Variants in NOL6 observed in about 807,000 individuals in gnomAD.
The protein encoded by NOL6 is nucleolar protein 6, also known as nucleolar RNA-associated protein.
Under a neutral mutation model 131.7 loss-of-function variants are expected in NOL6, and 33 were observed. The ratio of observed to expected loss-of-function variants is 0.25; its 90% CI spans 0.19 to 0.33. The LOEUF is 0.33. Ranked by LOEUF, NOL6 falls within the 10% of genes least tolerant of loss-of-function variation. NOL6 has a pLI of 1.00. For missense variants in NOL6, 1,297 were observed against 1,494.5 expected, an observed-to-expected ratio of 0.87 and a Z score of 2.18; for synonymous variants, 580 against 605.7, an observed-to-expected ratio of 0.96 and a Z score of 0.62.
rs556065783 is a variant in NOL6, at chr9:33,469,542, T to C, written c.684A>G (p.Thr228=). The change falls in exon 5 of 26, where the codon ACA becomes ACG. Residue 228 remains threonine (T), a synonymous_variant. Coordinates refer to ENST00000297990, the MANE Select transcript of NOL6 (RefSeq NM_022917.5). ...PLFGSVCFSY[T]NGCHLKPSLL... The stretch of plus-strand genomic sequence containing the variant: ...GTGAGGGTTTCAGGTGGCAGCCATT[T>C]GTGTAGGAGAAGCAAACACTGCCAA... The C allele has an allele frequency of 6.2e-7, 1 of 1,609,680 alleles. No individual in the cohort carries two copies. Among genetic ancestry groups the C allele is most frequent in the East Asian group, 2.2e-5 (1 of 44,840 alleles).
In NOL6 at chr9:33,463,911, G is replaced by T. The variant is rs1184311316; in HGVS notation, c.2914C>A (p.Gln972Lys). 1 of 1,614,194 alleles carries T rather than the reference G, an allele frequency of 6.2e-7. No homozygotes were observed. Among genetic ancestry groups the T allele is most frequent in the Admixed American group, 1.7e-5 (1 of 60,024 alleles). ...QDGPSAQILQ[Q>K]LVVLAAEALP... ...GCTTCAGCTGCCAGGACCACAAGCT[G>T]CTGCAGGATCTGCGGGGTACAGACA... Residue 972 changes from glutamine (Q) to lysine (K), a missense_variant, in exon 23 of 26, where the codon CAG becomes AAG. Transcript: ENST00000297990.
chr9:33,471,928 C>G, intron 3 of NOL6, 76 bp downstream of exon 3: 1 of 1,039,804 alleles, frequency 9.6e-7, no homozygotes, highest in East Asian at 2.4e-5. Context: ...AACAGAGTAA[C>G]AGCAAGGCCC....
At chr9:33,469,808 T>C in intron 4 of NOL6, 141 bp from the exon 5 acceptor site, 1 of 1,112,844 alleles carries the variant, frequency 9.0e-7, no homozygotes. Flanking sequence ...CTAGGCCCAG[T>C]TCTCATATCT....
In NOL6 at chr9:33,462,528, G is replaced by A; in HGVS notation, c.*136C>T. 2 of 1,003,196 alleles carry A rather than the reference G, an allele frequency of 2.0e-6. No individual in the cohort carries two copies. The highest frequency in any genetic ancestry group is 2.5e-5 in the East Asian group (1 of 40,204). The allele number at this position is 1,003,196 out of a possible 1,614,324, so 62.1% of individuals were successfully genotyped here. On this transcript the variant is annotated 3_prime_UTR_variant, in exon 26 of 26. Coordinates refer to ENST00000297990, the MANE Select transcript of NOL6 (RefSeq NM_022917.5). ...AAAGTTGGGGCTGGGTTTTGTTGGA[G>A]ATGATTCAGCATGTTCAGCCAGCAG... is the stretch of plus-strand genomic sequence containing the variant.
At chr9:33,472,604 C>A (rs1300879428) in intron 1 of NOL6, 192 bp from the exon 2 acceptor site, 2 of 606,016 alleles carry the variant, frequency 3.3e-6, no homozygotes, top group African/African-American at 3.7e-5. Flanking sequence ...CCGAAAATTC[C>A]TTGAGTTAAG....
intron 21 of NOL6, 129 bp from the exon 22 acceptor site, chr9:33,464,290 A>G: frequency 1.8e-6 from 2 of 1,136,092 alleles, no homozygotes; most frequent in South Asian, 3.3e-5. Context: ...CCCCCCACCA[A>G]GTGGCAAAGG....
In NOL6 at chr9:33,469,057, G is replaced by A. The variant is rs757052407; in HGVS notation, c.927C>T (p.Ser309=). 1 of 1,614,184 alleles carries A rather than the reference G, an allele frequency of 6.2e-7. No individual in the cohort carries two copies. Residue 309 remains serine, a synonymous_variant, in exon 7 of 26, where the codon TCC becomes TCT. Transcript: ENST00000297990. ...TWVLQDTVLE[S]HLQLLSTILS... ...GAATGGTTGACAGCAGCTGCAAATG[G>A]GACTCGAGAACTGTATCTTGCAGGA... is the stretch of plus-strand genomic sequence containing the variant.
chr9:33,471,444 G>C (rs1827409265), intron 3 of NOL6, among the ~76,000 whole-genome samples: 2 of 152,144 alleles, frequency 1.3e-5, no homozygotes, highest in Non-Finnish European at 1.5e-5. Context: ...ATCTCCTTCT[G>C]TATTCCTCAT....
chr9:33,469,775 T>C (rs1476094680), intron 4 of NOL6, 108 bp from the exon 5 acceptor site: 1 of 1,374,710 alleles, frequency 7.3e-7, no homozygotes, highest in African/African-American at 1.5e-5. Context: ...CTGACAGAAG[T>C]GCCTGAGCCA....
chr9:33,463,463 GGT>G, intron 23 of NOL6, 22 bp from the exon 24 acceptor site: 1 of 1,585,090 alleles, frequency 6.3e-7, no homozygotes, highest in Non-Finnish European at 8.6e-7. Context: ...GAGAAGGAGG[GGT>G]CAGCAGGACC....
In NOL6 at chr9:33,468,950, CA is replaced by C. The variant is rs1827329935; in HGVS notation, c.1026+7del. On this transcript the variant is annotated splice_region_variant and intron_variant, in intron 7 of 25. Transcript: ENST00000297990. ...TCAGGTAGGGAGGCTGCGCCACCCC[CA>C]ACTCACCTTGTCCAGCTCCCGCTGC... is the stretch of plus-strand genomic sequence containing the variant. The C allele has an allele frequency of 4.3e-6, 7 of 1,613,992 alleles. No individual in the cohort carries two copies. The South Asian group carries it at 7.7e-5, about 18-fold the overall frequency.
In NOL6 at chr9:33,462,587, G is replaced by A. The variant is rs1827127219; in HGVS notation, c.*77C>T. On this transcript the variant is annotated 3_prime_UTR_variant, in exon 26 of 26. Coordinates refer to ENST00000297990, the MANE Select transcript of NOL6 (RefSeq NM_022917.5). ...TGGAGGATTCATGTCCAAGGAGGGT[G>A]GAGGTCATCCTACTGACATCTTGCT... 2 of 1,521,880 alleles carry A rather than the reference G, an allele frequency of 1.3e-6. No individual in the cohort carries two copies. Among genetic ancestry groups the A allele is most frequent in the Non-Finnish European group, 1.8e-6 (2 of 1,108,020 alleles). The allele number at this position is 1,521,880 out of a possible 1,614,324, so 94.3% of individuals were successfully genotyped here. A position where few individuals can be genotyped will look rare whatever the true frequency, so the allele number is the denominator to read the frequency against.
Position 33,465,367 on chromosome 9 carries a change from G to A in NOL6, c.2529-8C>T, listed in dbSNP as rs537719873. Reference sequence around the variant, plus strand: ...GGGTGCTGCTGCTGCAGTCTGCAGAGAGAAGGGGAGTGTCAGCGAGACTCA... The same window carrying A: ...GGGTGCTGCTGCTGCAGTCTGCAGAAAGAAGGGGAGTGTCAGCGAGACTCA... On this transcript the variant is annotated splice_polypyrimidine_tract_variant and splice_region_variant and intron_variant, in intron 19 of 25. Coordinates refer to ENST00000297990, the MANE Select transcript of NOL6 (RefSeq NM_022917.5). 3.7e-5 allele frequency: 58 copies of A among 1,580,514 alleles called. 1 individual carries two copies. In the South Asian group the frequency reaches 5.8e-4, roughly 16 times the overall value.
Position 33,467,269 on chromosome 9 carries a change from A to C in NOL6, c.1726-7T>G, listed in dbSNP as rs760335777. On this transcript the variant is annotated splice_region_variant and splice_polypyrimidine_tract_variant and intron_variant, in intron 13 of 25. Transcript: ENST00000297990. The surrounding 1 kb of genome is among the most constrained non-coding windows in gnomAD (Gnocchi z 4.4). ...ACTGGCGGAATTTAGCAGCCTGAGG[A>C]GGCAAGGGTGGTAGTAGAGCTGGGG... 4.3e-6 allele frequency: 7 copies of C among 1,613,766 alleles called. No homozygotes were observed. The highest frequency in any genetic ancestry group is 5.1e-6 in the Non-Finnish European group (6 of 1,179,844).
intron 25 of NOL6, 90 bp from the exon 26 acceptor site, chr9:33,462,903 T>C (rs1392029425): frequency 2.5e-6 from 4 of 1,572,986 alleles, no homozygotes; most frequent in Admixed American, 3.6e-5. Context: ...GTGGTGGGGA[T>C]AGAAACACAA....
At chr9:33,471,879 C>G in intron 3 of NOL6, 125 bp downstream of exon 3, 1 of 741,656 alleles carries the variant, frequency 1.3e-6, no homozygotes, top group Admixed American at 1.9e-5. Context: ...AGCTAAGCTT[C>G]CTTGCTGTGA....
chr9:33,472,374 C>A lies in NOL6; in HGVS notation c.93G>T (p.Gly31=). Residue 31 remains glycine, a synonymous_variant, in exon 2 of 26, where the codon GGG becomes GGT. Coordinates refer to ENST00000297990, the MANE Select transcript of NOL6 (RefSeq NM_022917.5). ...EPALEGTGKE[G]KKASSRKRTL... Reference sequence around the variant, plus strand: ...TACGCTTCCTGGAGGATGCTTTCTTCCCCTCTTTGCCTGTGCCTTCCAGGG... The same window carrying A: ...TACGCTTCCTGGAGGATGCTTTCTTACCCTCTTTGCCTGTGCCTTCCAGGG... 2 of 1,614,164 alleles carry A rather than the reference C, an allele frequency of 1.2e-6. No individual in the cohort carries two copies. Among genetic ancestry groups the A allele is most frequent in the Non-Finnish European group, 1.7e-6 (2 of 1,180,028 alleles).
At position 33,470,099 on chromosome 9, in the gene NOL6, T is replaced by C; in HGVS notation, c.471A>G (p.Pro157=). 6.2e-7 allele frequency: 1 copy of C among 1,612,982 alleles called. No homozygotes were observed. The highest frequency in any genetic ancestry group is 1.3e-5 in the African/African-American group (1 of 74,988). Residue 157 remains proline, a synonymous_variant, in exon 4 of 26, where the codon CCA becomes CCG. Coordinates refer to ENST00000297990, the MANE Select transcript of NOL6 (RefSeq NM_022917.5). ...AGCTGCCCACAACAGTAACCTGGGC[T>C]GGGGGCAGGAAGCGGAAACAGCCCT... ...AVKGCFRFLP[P]AQVTVVGSYL...
rs1449210177 is a variant in NOL6 at position 33,466,163 on chromosome 9, G to A, written c.2272C>T (p.Arg758Ter). 2 of 1,613,050 alleles carry A rather than the reference G, an allele frequency of 1.2e-6. No individual in the cohort carries two copies. The highest frequency in any genetic ancestry group is 1.7e-6 in the Non-Finnish European group (2 of 1,179,754). Residue 758 changes from arginine to a stop codon, truncating the protein, a stop_gained, in exon 18 of 26, where the codon CGA becomes TGA. Coordinates refer to ENST00000297990, the MANE Select transcript of NOL6 (RefSeq NM_022917.5). LOFTEE classifies it high-confidence loss of function. ...PQDAEAVQRV[R>*]AAFQLRLAEL... ...GCCAGGCGCAGCTGGAAGGCAGCTC[G>A]GACCCGCTGCACGGCCTCAGCGTCC...
Sources: gnomAD v4.1 joint callset for allele counts (sites outside exome capture counted in the v4.1 genomes callset) on GRCh38, gnomAD v4.1.1 for gene constraint, Gnocchi (gnomAD v3.1) non-coding constraint, MANE v1.5 for transcripts, NCBI Gene and HGNC (gene_info 2026-07-23, HGNC 2026-07-21) for gene names.